The following KDM4C variants were observed in gnomAD, a reference collection of about 807,000 sequenced individuals.
KDM4C encodes the protein lysine-specific demethylase 4C.
KDM4C carries 81 observed loss-of-function variants against 129.3 expected under a neutral mutation model. The ratio of observed to expected loss-of-function variants is 0.63; its 90% CI spans 0.52 to 0.75. The LOEUF is 0.75. Ranked by LOEUF, KDM4C falls within the 30% of genes least tolerant of loss-of-function variation. The pLI is 0.00. For missense variants in KDM4C, 1,457 were observed against 1,304.0 expected (o/e 1.12, Z -1.81); for synonymous variants, 573 against 456.1 (o/e 1.26, Z -3.26).
chr9:6,739,414 A>G (rs182630066), intron 1 of KDM4C, among the ~76,000 whole-genome samples: 16 of 152,108 alleles, frequency 1.1e-4, no homozygotes, highest in Admixed American at 2.6e-4. Flanking sequence ...AATCCTGTTT[A>G]AAATCTGCCA....
chr9:6,944,900 C>G (rs1478996137), intron 8 of KDM4C, among the ~76,000 whole-genome samples: 2 of 152,012 alleles, frequency 1.3e-5, no homozygotes, highest in Non-Finnish European at 2.9e-5. Context: ...GTGTAATTAG[C>G]AAAAACATGG....
In KDM4C at chr9:6,726,308, A is replaced by G. The variant is rs557503203; in HGVS notation, c.49+5311A>G. Among the ~76,000 whole-genome samples, 23 of 152,328 alleles carry G rather than the reference A, an allele frequency of 1.5e-4. No individual in the cohort carries two copies. In the South Asian group the frequency reaches 4.1e-3, roughly 27 times the overall value. ...GAGATTCTCTATTTGTCTGAAGTGT[A>G]AATGTTTTGAAGGTTTTCTCGACTG... On this transcript the variant is annotated intron_variant, in intron 1 of 17. Coordinates refer to the KDM4C transcript ENST00000536108.
In KDM4C at chr9:7,076,857, G is replaced by A. The variant is rs1284192653; in HGVS notation, c.2425-26828G>A. 19 of 1,001,232 alleles carry A rather than the reference G, an allele frequency of 1.9e-5. No individual in the cohort carries two copies. In the East Asian group the frequency reaches 4.1e-4, roughly 22 times the overall value. The allele number at this position is 1,001,232 out of a possible 1,614,324, so 62.0% of individuals were successfully genotyped here. A position where few individuals can be genotyped will look rare whatever the true frequency, so the allele number is the denominator to read the frequency against. ...ATTGGAATCAAAAGCTTTCCAAGGT[G>A]CATCAGGTTAATGATTTGGATGCAT... On this transcript the variant is annotated intron_variant, in intron 17 of 21. Coordinates refer to ENST00000381309, the MANE Select transcript of KDM4C (RefSeq NM_015061.6).
intron 9 of KDM4C, chr9:6,982,103 T>G (rs1816865085): frequency 6.6e-6 from 1 of 152,110 alleles, no homozygotes; most frequent in Non-Finnish European, 1.5e-5. Context: ...CAACATGATT[T>G]TTAATGCCTG....
rs565163816 is a variant in KDM4C, at chr9:6,970,084, C to T, written c.922-10841C>T. Among the ~76,000 whole-genome samples, 4 of 152,332 alleles carry T rather than the reference C, an allele frequency of 2.6e-5. No homozygotes were observed. The South Asian group carries it at 8.3e-4, about 32-fold the overall frequency. ...AGTCTAGCTTCCCTAAATTACATGC[C>T]TGAGTTTGGGGGACAATCAAGGTGC... On this transcript the variant is annotated intron_variant, in intron 8 of 21. Transcript: ENST00000381309.
chr9:6,994,782 A>G (rs895916554), intron 12 of KDM4C, among the ~76,000 whole-genome samples: 3 of 152,260 alleles, frequency 2.0e-5, no homozygotes, highest in Non-Finnish European at 4.4e-5. Flanking sequence ...TGTTGTTTTA[A>G]TTACCAATAT....
chr9:6,914,847 A>G (rs1589079796), intron 8 of KDM4C, among the ~76,000 whole-genome samples: 1 of 152,250 alleles, frequency 6.6e-6, no homozygotes, highest in African/African-American at 2.4e-5. Flanking sequence ...ATCTGCTGGC[A>G]CCTTGGTCTT....
chr9:6,931,240 G>T (rs781319549), intron 8 of KDM4C, among the ~76,000 whole-genome samples: 1 of 151,678 alleles, frequency 6.6e-6, no homozygotes, highest in Admixed American at 6.6e-5. Flanking sequence ...AACTACCATC[G>T]CCTGACTTAT....
At chr9:7,088,554 A>G (rs1835414731) in intron 17 of KDM4C, among the ~76,000 whole-genome samples, 2 of 152,214 alleles carry the variant, frequency 1.3e-5, no homozygotes, top group African/African-American at 4.8e-5. Context: ...TCTTTTAATG[A>G]TAAAATATTC....
intron 12 of KDM4C, among the ~76,000 whole-genome samples, chr9:7,001,244 T>G (rs1820669177): frequency 6.6e-6 from 1 of 152,270 alleles, no homozygotes; most frequent in Non-Finnish European, 1.5e-5. Flanking sequence ...GTTCTTTGTT[T>G]TGTTTTACAG....
At chr9:7,010,908 G>T (rs529371721) in intron 12 of KDM4C, among the ~76,000 whole-genome samples, 1 of 152,228 alleles carries the variant, frequency 6.6e-6, no homozygotes, top group South Asian at 2.1e-4. Flanking sequence ...GCTAGGCATG[G>T]TGGTGGGTGG....
chr9:6,772,557 A>C (rs187045149), intron 1 of KDM4C, among the ~76,000 whole-genome samples: 1 of 152,080 alleles, frequency 6.6e-6, no homozygotes, highest in East Asian at 1.9e-4. Flanking sequence ...GACAGGGTTT[A>C]TCCATGTTGG....
At chr9:7,106,931 T>G (rs1203464513) in intron 18 of KDM4C, among the ~76,000 whole-genome samples, 1 of 152,062 alleles carries the variant, frequency 6.6e-6, no homozygotes, top group African/African-American at 2.4e-5. Context: ...ATAATTAGAA[T>G]AGGCAGTGCT....
intron 2 of KDM4C, among the ~76,000 whole-genome samples, chr9:6,804,350 T>C (rs62568036): frequency 0.062 from 9,485 of 152,266 alleles, 444 homozygotes; most frequent in Non-Finnish European, 0.097. Context: ...TACTATGCCA[T>C]GGACACAGGT....
At chr9:7,039,380 A>AT (rs1405553263) in intron 15 of KDM4C, among the ~76,000 whole-genome samples, 1 of 151,916 alleles carries the variant, frequency 6.6e-6, no homozygotes, top group South Asian at 2.1e-4. Context: ...TCTAATTTCA[A>AT]TTTTTTTGTA....
chr9:7,098,749 A>C (rs1472910816), intron 17 of KDM4C, among the ~76,000 whole-genome samples: 1 of 152,204 alleles, frequency 6.6e-6, no homozygotes, highest in East Asian at 1.9e-4. Context: ...CTCACTCTCA[A>C]ATGGCAGTTG....
chr9:6,742,605 C>A (rs1817738572), intron 1 of KDM4C, among the ~76,000 whole-genome samples: 1 of 147,016 alleles, frequency 6.8e-6, no homozygotes. Flanking sequence ...CCTTCTGGAA[C>A]TCTGATGTCA....
At chr9:6,743,583 C>A (rs369806455) in intron 1 of KDM4C, among the ~76,000 whole-genome samples, 13 of 151,752 alleles carry the variant, frequency 8.6e-5, no homozygotes, top group African/African-American at 3.1e-4. Context: ...TCTTGGCTCA[C>A]TGCAACCTCT....
rs7856680 is a variant in KDM4C, at chr9:6,803,757, A to G, written c.145-1842A>G. On this transcript the variant is annotated intron_variant, in intron 2 of 21. Transcript: ENST00000381309. The stretch of plus-strand genomic sequence containing the variant: ...ACCCCATCTGTAACAAAAAGAAAAA[A>G]AAAAAAAAAAGAAAAGTTCCAGCAA... Among the ~76,000 whole-genome samples, 10 of 36,602 alleles carry G rather than the reference A, an allele frequency of 2.7e-4. No homozygotes were observed. In the East Asian group the frequency reaches 3.3e-3, roughly 12 times the overall value. 24.0% of individuals were successfully genotyped at this position (36,602 alleles called of 152,430 possible). A position where few individuals can be genotyped will look rare whatever the true frequency, so the allele number is the denominator to read the frequency against.
Sources: allele counts gnomAD v4.1 joint callset (sites outside exome capture counted in the v4.1 genomes callset), GRCh38; gene constraint gnomAD v4.1.1; transcripts MANE v1.5; gene names NCBI Gene and HGNC (gene_info 2026-07-23, HGNC 2026-07-21).